PLCE1: variants seen among roughly 807,000 people sequenced by gnomAD.
The protein encoded by PLCE1 is phospholipase C epsilon 1.
PLCE1 carries 119 observed loss-of-function variants against 242.8 expected under a neutral mutation model. The observed-to-expected ratio is 0.49, with a 90% confidence interval of 0.42 to 0.57. The LOEUF (loss-of-function observed/expected upper bound fraction) is 0.57, where lower values mean the gene tolerates loss of function less well. PLCE1 is among the 20% of genes least tolerant of loss of function. The pLI is 0.00. For synonymous variants in PLCE1, 945 were observed against 1,017.4 expected (o/e 0.93, Z 1.35); for missense variants, 2,441 against 2,788.8 (o/e 0.88, Z 2.81).
intron 1 of PLCE1, among the ~76,000 whole-genome samples, chr10:94,008,558 C>T (rs1286206807): frequency 1.3e-5 from 2 of 152,228 alleles, no homozygotes; most frequent in African/African-American, 2.4e-5. Context: ...ATCTGCCTGC[C>T]TCAGCCTCCA....
In PLCE1 at chr10:94,324,879, T is replaced by C; in HGVS notation, c.6721-13T>C. 6.2e-7 allele frequency: 1 copy of C among 1,613,660 alleles called. No homozygotes were observed. The highest frequency in any genetic ancestry group is 8.5e-7 in the Non-Finnish European group (1 of 1,179,690). ...TTAACCTAACACCAATGGAAGGTTC[T>C]TTGTTCCCACAGGCATCTCGAGAAG... On this transcript the variant is annotated splice_polypyrimidine_tract_variant and intron_variant, in intron 31 of 32. Coordinates refer to ENST00000371380, the MANE Select transcript of PLCE1 (RefSeq NM_016341.4).
intron 2 of PLCE1, among the ~76,000 whole-genome samples, chr10:94,111,740 T>C (rs1438108448): frequency 1.3e-5 from 2 of 152,238 alleles, no homozygotes; most frequent in African/African-American, 4.8e-5. Flanking sequence ...TGTACACTTT[T>C]TGAATTTCGA....
chr10:94,320,324 T>C (rs929779178), intron 29 of PLCE1, among the ~76,000 whole-genome samples: 1 of 152,062 alleles, frequency 6.6e-6, no homozygotes. Context: ...TTTCACTCAT[T>C]GAAAAAAGTT....
At chr10:94,265,553 A>C (rs1364462462) in intron 14 of PLCE1, 94 bp from the exon 15 acceptor site, 8 of 1,097,782 alleles carry the variant, frequency 7.3e-6, no homozygotes, top group Admixed American at 3.4e-5. Flanking sequence ...TTTCCTGATG[A>C]AAACAGAACA....
chr10:94,036,723 A>T (rs1409402716), intron 2 of PLCE1, among the ~76,000 whole-genome samples: 1 of 152,170 alleles, frequency 6.6e-6, no homozygotes, highest in African/African-American at 2.4e-5. Flanking sequence ...TTAAAAAAAA[A>T]TTCTCAACCT....
At position 94,141,656 on chromosome 10, in the gene PLCE1, G is replaced by A. The variant is rs2046972229; in HGVS notation, c.1492+9197G>A. Among the ~76,000 whole-genome samples the A allele has an allele frequency of 5.9e-5, 2 of 33,654 alleles. 1 individual carries two copies. Among genetic ancestry groups the A allele is most frequent in the African/African-American group, 1.5e-4 (2 of 13,230 alleles). The allele number at this position is 33,654 out of a possible 152,430, so 22.1% of individuals were successfully genotyped here. On this transcript the variant is annotated intron_variant, in intron 3 of 32. Transcript: ENST00000371380. ...AGGAAAGAAAGAAGGAAGGAAAGAA[G>A]AAAGGGAGGGAGGGAGGAAAGAAAG...
intron 2 of PLCE1, chr10:94,104,118 C>T (rs2045638849): frequency 1.3e-5 from 2 of 152,210 alleles, no homozygotes; most frequent in African/African-American, 4.8e-5. Flanking sequence ...TGTGCGGCCA[C>T]TCTCAGCTGC....
Position 94,265,912 on chromosome 10 carries a change from C to T in PLCE1, c.4235C>T (p.Thr1412Met), listed in dbSNP as rs376243775. Residue 1412 changes from threonine to methionine, a missense_variant, in exon 16 of 33, where the codon ACG (threonine) becomes ATG (methionine). This residue lies in a region of PLCE1 where 1,004 missense variants were observed against 1,322.7 expected (regional missense o/e 0.76). Transcript: ENST00000371380. ...YIESSHNTYL[T>M]GHQLKGESSV... ...GAATCTTCGCACAATACCTACCTCA[C>T]GGGCCATCAGCTCAAAGGAGAATCC... The T allele has an allele frequency of 1.4e-5, 22 of 1,613,912 alleles. No homozygotes were observed. Among genetic ancestry groups the T allele is most frequent in the Admixed American group, 1.7e-5 (1 of 60,002 alleles).
intron 2 of PLCE1, among the ~76,000 whole-genome samples, chr10:94,110,022 A>G (rs1214808776): frequency 1.5e-5 from 2 of 137,728 alleles, no homozygotes; most frequent in South Asian, 2.3e-4. Flanking sequence ...TCAAATTGAT[A>G]TCAGGAGGAT....
At chr10:94,317,690 A>G (rs2053623855) in intron 29 of PLCE1, among the ~76,000 whole-genome samples, 1 of 152,110 alleles carries the variant, frequency 6.6e-6, no homozygotes, top group East Asian at 1.9e-4. Context: ...TGCCATGTTG[A>G]CTCCAAACTG....
intron 1 of PLCE1, among the ~76,000 whole-genome samples, chr10:94,028,728 C>T (rs990500309): frequency 3.3e-5 from 5 of 152,066 alleles, no homozygotes; most frequent in African/African-American, 7.2e-5. Context: ...ATGGGAGGAT[C>T]GCTTGAGCCC....
chr10:94,092,520 G>A (rs2045118730), intron 2 of PLCE1, among the ~76,000 whole-genome samples: 1 of 152,126 alleles, frequency 6.6e-6, no homozygotes, highest in Admixed American at 6.5e-5. Context: ...AGGAAGTTCA[G>A]TTGGAAAACC....
intron 20 of PLCE1, chr10:94,283,372 C>T (rs758328782): frequency 1.8e-5 from 3 of 169,390 alleles, no homozygotes; most frequent in Admixed American, 5.7e-5. Context: ...GAGAGTGAGT[C>T]AATCATGTAT....
chr10:94,131,692 A>G (rs950156398), intron 2 of PLCE1, among the ~76,000 whole-genome samples: 3 of 152,216 alleles, frequency 2.0e-5, no homozygotes, highest in Non-Finnish European at 4.4e-5. Context: ...CAAAGGGGAA[A>G]TAGGGAAGTT....
At chr10:94,158,510 G>A (rs528064870) in intron 3 of PLCE1, among the ~76,000 whole-genome samples, 1 of 152,146 alleles carries the variant, frequency 6.6e-6, no homozygotes, top group South Asian at 2.1e-4. Flanking sequence ...CTGCTCCCTG[G>A]AAATTTCCCA....
chr10:94,017,841 A>G (rs1000033642), intron 1 of PLCE1, among the ~76,000 whole-genome samples: 1 of 152,164 alleles, frequency 6.6e-6, no homozygotes, highest in African/African-American at 2.4e-5. Flanking sequence ...GGATCCAGAT[A>G]TGAGGGGATC....
At chr10:94,185,663 A>T (rs907832207) in intron 4 of PLCE1, among the ~76,000 whole-genome samples, 2 of 152,240 alleles carry the variant, frequency 1.3e-5, no homozygotes, top group Admixed American at 1.3e-4. Context: ...AAACAAGATA[A>T]CATATATAAA....
At chr10:94,039,511 G>T (rs2061727384) in intron 2 of PLCE1, among the ~76,000 whole-genome samples, 1 of 151,946 alleles carries the variant, frequency 6.6e-6, no homozygotes, top group South Asian at 2.1e-4. Context: ...CCTGAGGCAT[G>T]AGTATTTGGG....
At chr10:94,223,233 C>CAAAAAAA (rs60764243) in intron 4 of PLCE1, among the ~76,000 whole-genome samples, 27,765 of 89,996 alleles carry the variant, frequency 0.31, 4,656 homozygotes, top group East Asian at 0.49. Flanking sequence ...TCCATCTCTA[C>CAAAAAAA]AAAAAAAAAA....
Sources: gnomAD v4.1 joint callset for allele counts (sites outside exome capture counted in the v4.1 genomes callset) on GRCh38, gnomAD v4.1.1 for gene constraint, gnomAD v4.1.1 regional missense constraint, MANE v1.5 for transcripts, NCBI Gene and HGNC (gene_info 2026-07-23, HGNC 2026-07-21) for gene names.